Variants in ADCY8 observed in about 807,000 individuals in gnomAD.
ADCY8 encodes the protein adenylate cyclase type 8.
Under a neutral mutation model 119.7 loss-of-function variants are expected in ADCY8, and 51 were observed. The observed-to-expected ratio is 0.43, with a 90% confidence interval of 0.34 to 0.54. The LOEUF (loss-of-function observed/expected upper bound fraction) is 0.54. ADCY8 is among the 20% of genes least tolerant of loss of function. The pLI is 0.03. For missense variants in ADCY8, 1,383 were observed against 1,598.8 expected, an observed-to-expected ratio of 0.87 and a Z score of 2.30; for synonymous variants, 665 against 651.0, an observed-to-expected ratio of 1.02 and a Z score of -0.33.
intron 2 of ADCY8, among the ~76,000 whole-genome samples, chr8:130,975,429 A>T (rs1822043247): frequency 6.6e-6 from 1 of 152,210 alleles, no homozygotes. Flanking sequence ...CCTGAAGAAC[A>T]CACAGTCTGT....
At chr8:130,999,296 TC>T (rs1488784791) in intron 1 of ADCY8, among the ~76,000 whole-genome samples, 5 of 152,196 alleles carry the variant, frequency 3.3e-5, no homozygotes, top group Admixed American at 3.3e-4. Flanking sequence ...TATGAATTCT[TC>T]TGGAACAGGA....
At chr8:130,889,467 C>T (rs1043434406) in intron 7 of ADCY8, among the ~76,000 whole-genome samples, 1 of 152,130 alleles carries the variant, frequency 6.6e-6, no homozygotes, top group Non-Finnish European at 1.5e-5. Flanking sequence ...ACAAATCCCC[C>T]TTTTCTTGAA....
intron 2 of ADCY8, among the ~76,000 whole-genome samples, chr8:130,971,199 T>C (rs1821912764): frequency 6.6e-6 from 1 of 152,230 alleles, no homozygotes; most frequent in Non-Finnish European, 1.5e-5. Flanking sequence ...TTAATTATTG[T>C]ATGTTAATAA....
At position 131,039,489 on chromosome 8, in the gene ADCY8, T is replaced by C; in HGVS notation, c.845A>G (p.Tyr282Cys). The change falls in exon 1 of 18, where the codon TAC becomes TGC. Residue 282 changes from tyrosine (Y) to cysteine (C), a missense_variant. Around this residue, in one of 2 missense-constraint regions of ADCY8, gnomAD observed 455 missense variants for 435.3 expected, o/e 1.05. Transcript: ENST00000286355. Reference sequence around the variant, plus strand: ...GGTGAGCGGCAGCGGCAGCATACTGTAGGTGGCGAAGAGCGTGAAGAGCAC... The same window carrying C: ...GGTGAGCGGCAGCGGCAGCATACTGCAGGTGGCGAAGAGCGTGAAGAGCAC... ...GYVLFTLFAT[Y>C]SMLPLPLTWA... is the part of the protein sequence containing the mutation. 3 of 1,614,008 alleles carry C rather than the reference T, an allele frequency of 1.9e-6. No individual in the cohort carries two copies. The highest frequency in any genetic ancestry group is 2.5e-6 in the Non-Finnish European group (3 of 1,180,032).
intron 4 of ADCY8, among the ~76,000 whole-genome samples, chr8:130,941,324 G>T (rs1359373693): frequency 1.3e-5 from 2 of 152,100 alleles, no homozygotes; most frequent in Non-Finnish European, 2.9e-5. Flanking sequence ...CATCCTGAGG[G>T]GAAGGACTGG....
chr8:130,849,877 T>C, intron 9 of ADCY8, 74 bp from the exon 10 acceptor site: 1 of 1,357,294 alleles, frequency 7.4e-7, no homozygotes. Flanking sequence ...TTCCTGGTCT[T>C]CCTTTCCCAT....
At chr8:130,998,576 T>A (rs1290805719) in intron 1 of ADCY8, among the ~76,000 whole-genome samples, 2 of 152,110 alleles carry the variant, frequency 1.3e-5, no homozygotes, top group African/African-American at 4.8e-5. Flanking sequence ...TTCTTAGCAC[T>A]TGGAAACATG....
At chr8:130,909,455 C>T (rs984289521) in intron 6 of ADCY8, among the ~76,000 whole-genome samples, 1 of 152,216 alleles carries the variant, frequency 6.6e-6, no homozygotes, top group Non-Finnish European at 1.5e-5. Flanking sequence ...TTCGAATGTG[C>T]AGCCAAGTCT....
At position 130,882,069 on chromosome 8, in the gene ADCY8, A is replaced by AGT. The variant is rs151189762; in HGVS notation, c.2109+2493_2109+2494dup. ...CCGGAGGGTGTAAGCCCAGTTTATT[A>AGT]GTGTGTGTGTGTATGTGTGTGTGTT... On this transcript the variant is annotated intron_variant, in intron 8 of 17. Coordinates refer to ENST00000286355, the MANE Select transcript of ADCY8 (RefSeq NM_001115.3). 1.3e-3 allele frequency among the ~76,000 whole-genome samples: 188 copies of AGT among 148,974 alleles called. 1 individual carries two copies. Among genetic ancestry groups the AGT allele is most frequent in the Middle Eastern group, 3.5e-3 (1 of 288 alleles).
intron 1 of ADCY8, among the ~76,000 whole-genome samples, chr8:131,033,313 T>C (rs925164443): frequency 6.6e-6 from 1 of 152,218 alleles, no homozygotes; most frequent in East Asian, 1.9e-4. Context: ...TGATTAAATG[T>C]TGCTAGCAGC....
chr8:130,928,575 A>G (rs1336780687), intron 5 of ADCY8, among the ~76,000 whole-genome samples: 1 of 152,206 alleles, frequency 6.6e-6, no homozygotes, highest in East Asian at 1.9e-4. Context: ...TATCACAGTT[A>G]TTGATCCATG....
intron 14 of ADCY8, among the ~76,000 whole-genome samples, chr8:130,813,830 C>T (rs138790076): frequency 1.3e-5 from 2 of 152,290 alleles, no homozygotes; most frequent in East Asian, 3.9e-4. Context: ...CATGCATATG[C>T]ACATACAACT....
intron 5 of ADCY8, among the ~76,000 whole-genome samples, chr8:130,912,807 A>G (rs1205163013): frequency 1.3e-5 from 2 of 152,172 alleles, no homozygotes; most frequent in African/African-American, 2.4e-5. Context: ...CTCCCAAGTT[A>G]AAAAGCATAT....
intron 8 of ADCY8, among the ~76,000 whole-genome samples, chr8:130,869,974 T>TTCCTTCTTCCTCC (rs1554610105): frequency 2.7e-5 from 4 of 148,624 alleles, no homozygotes; most frequent in Non-Finnish European, 5.9e-5. Flanking sequence ...TTCTTCCTTC[T>TTCCTTCTTCCTCC]TCCTCCTCCT....
intron 8 of ADCY8, among the ~76,000 whole-genome samples, chr8:130,870,603 G>C (rs114179963): frequency 2.0e-5 from 3 of 152,090 alleles, no homozygotes; most frequent in Non-Finnish European, 2.9e-5. Flanking sequence ...AGAGCTCATT[G>C]CTTTGCAAAG....
At chr8:131,015,684 T>C (rs1464825947) in intron 1 of ADCY8, among the ~76,000 whole-genome samples, 2 of 152,186 alleles carry the variant, frequency 1.3e-5, no homozygotes, top group African/African-American at 4.8e-5. Context: ...CCTTGGTATC[T>C]AGTGATTTAT....
rs1820361577 is a variant in ADCY8 at position 130,923,015 on chromosome 8, A to G, written c.1482-13149T>C. Among the ~76,000 whole-genome samples the G allele has an allele frequency of 2.0e-5, 3 of 152,258 alleles. No homozygotes were observed. In the South Asian group the frequency reaches 6.2e-4, roughly 32 times the overall value. On this transcript the variant is annotated intron_variant, in intron 5 of 17. Transcript: ENST00000286355. Reference sequence around the variant, plus strand: ...CTGGCACATGGCAAACATTCTATCAATATTAGTTTATCAACAATTATTTCT... The same window carrying G: ...CTGGCACATGGCAAACATTCTATCAGTATTAGTTTATCAACAATTATTTCT...
intron 2 of ADCY8, among the ~76,000 whole-genome samples, chr8:130,961,065 G>A (rs925281627): frequency 6.6e-6 from 1 of 152,172 alleles, no homozygotes; most frequent in African/African-American, 2.4e-5. Flanking sequence ...TTGGCAAAAA[G>A]CACAAAGGAG....
chr8:130,988,235 C>T (rs549136539), intron 2 of ADCY8, among the ~76,000 whole-genome samples: 28 of 152,294 alleles, frequency 1.8e-4, no homozygotes, highest in African/African-American at 6.7e-4. Flanking sequence ...AAGCAGAGAT[C>T]AGATGCCAGT....
Sources: allele counts gnomAD v4.1 joint callset (sites outside exome capture counted in the v4.1 genomes callset), GRCh38; gene constraint gnomAD v4.1.1; regional missense constraint gnomAD v4.1.1; transcripts MANE v1.5; gene names NCBI Gene and HGNC (gene_info 2026-07-23, HGNC 2026-07-21).